COL26A1: variants seen among roughly 807,000 people sequenced by gnomAD.
COL26A1 encodes collagen alpha-1(XXVI) chain.
Under a neutral mutation model 59.3 loss-of-function variants are expected in COL26A1, and 41 were observed. The observed-to-expected ratio is 0.69, with a 90% CI of 0.54 to 0.90. The LOEUF is 0.90. Ranked by LOEUF, COL26A1 falls within the 40% of genes least tolerant of loss-of-function variation. The probability of loss-of-function intolerance (pLI) is 0.00; values close to 1 mark genes in which losing one functional copy is unlikely to be tolerated. For synonymous variants in COL26A1, 266 were observed against 256.0 expected (o/e 1.04, Z -0.37); for missense variants, 612 against 602.3 (o/e 1.02, Z -0.17).
intron 1 of COL26A1, among the ~76,000 whole-genome samples, chr7:101,417,967 C>G (rs572979970): frequency 6.6e-6 from 1 of 151,950 alleles, no homozygotes; most frequent in Non-Finnish European, 1.5e-5. Context: ...TCAGGTGATC[C>G]GCCCACTTTG....
At position 101,551,157 on chromosome 7, in the gene COL26A1, G is replaced by C; in HGVS notation, c.1029+14G>C. The C allele has an allele frequency of 1.9e-6, 3 of 1,555,978 alleles. No individual in the cohort carries two copies. The highest frequency in any genetic ancestry group is 2.6e-6 in the Non-Finnish European group (3 of 1,150,206). ...GTGGGGCCGTCCGTAAGTGTGGGCT[G>C]TGCAGATGGGCCTGGGCCACTCCCA... On this transcript the variant is annotated intron_variant, in intron 10 of 12. Coordinates refer to ENST00000313669, the MANE Select transcript of COL26A1 (RefSeq NM_001278563.3).
At chr7:101,504,925 G>A (rs529415070) in intron 3 of COL26A1, among the ~76,000 whole-genome samples, 1 of 152,248 alleles carries the variant, frequency 6.6e-6, no homozygotes, top group East Asian at 1.9e-4. Context: ...AGGCTGAGGC[G>A]GGCAGATCCC....
intron 3 of COL26A1, among the ~76,000 whole-genome samples, chr7:101,458,931 A>G (rs1165978990): frequency 1.3e-5 from 2 of 151,662 alleles, no homozygotes; most frequent in Admixed American, 6.6e-5. Context: ...CCTCTTGAGT[A>G]GCTGGGACTA....
intron 3 of COL26A1, among the ~76,000 whole-genome samples, chr7:101,479,417 T>C (rs1794112149): frequency 6.6e-6 from 1 of 152,356 alleles, no homozygotes; most frequent in Middle Eastern, 3.4e-3. Flanking sequence ...GGGTTGACAG[T>C]TATATTTCCT....
At chr7:101,507,121 G>T (rs1007471552) in intron 3 of COL26A1, among the ~76,000 whole-genome samples, 1 of 152,084 alleles carries the variant, frequency 6.6e-6, no homozygotes, top group Non-Finnish European at 1.5e-5. Context: ...CACCACGTTG[G>T]CCAGGCTGGT....
chr7:101,476,236 G>A (rs1373472104), intron 3 of COL26A1, among the ~76,000 whole-genome samples: 1 of 151,820 alleles, frequency 6.6e-6, no homozygotes, highest in East Asian at 1.9e-4. Context: ...GACCTCAGGT[G>A]ATCTGCCCAC....
intron 1 of COL26A1, among the ~76,000 whole-genome samples, chr7:101,418,025 G>GTA (rs923450507): frequency 2.0e-5 from 3 of 152,018 alleles, no homozygotes; most frequent in African/African-American, 7.2e-5. Flanking sequence ...ATGCCCAGTC[G>GTA]TATATATATA....
chr7:101,365,489 C>T lies in COL26A1; in HGVS notation c.158+2299C>T, dbSNP rs1584341673. Among the ~76,000 whole-genome samples, 9 of 152,104 alleles carry T rather than the reference C, an allele frequency of 5.9e-5. 2 individuals are homozygous for T. The South Asian group carries it at 1.9e-3, about 32-fold the overall frequency. On this transcript the variant is annotated intron_variant, in intron 1 of 12. Transcript: ENST00000313669. ...TCTCCCAGGCTGGAGTGCAATGGTGCAATCTTGGCTTACTGCAACCTCTGC... is the reference window on the plus strand; with the variant it reads ...TCTCCCAGGCTGGAGTGCAATGGTGTAATCTTGGCTTACTGCAACCTCTGC...
chr7:101,450,435 C>T (rs1010049274), intron 3 of COL26A1, among the ~76,000 whole-genome samples: 3 of 152,182 alleles, frequency 2.0e-5, no homozygotes, highest in African/African-American at 4.8e-5. Context: ...TCCTCATCAA[C>T]GACATTGTTA....
At chr7:101,506,307 A>G (rs931721645) in intron 3 of COL26A1, among the ~76,000 whole-genome samples, 4 of 152,276 alleles carry the variant, frequency 2.6e-5, no homozygotes, top group Non-Finnish European at 5.9e-5. Context: ...GCTGCTCACA[A>G]TAAACCAACG....
In COL26A1 at chr7:101,400,353, ATTTTTTTT is replaced by A. The variant is rs574852983; in HGVS notation, c.159-19605_159-19598del. On this transcript the variant is annotated intron_variant, in intron 1 of 12. Coordinates refer to ENST00000313669, the MANE Select transcript of COL26A1 (RefSeq NM_001278563.3). ...CCACACTGCCTTTCTTTTTTTTCCTATTTTTTTTTTTTTTTTTTTTTTTTTTGAGATGG... is the reference window on the plus strand; with the variant it reads ...CCACACTGCCTTTCTTTTTTTTCCTATTTTTTTTTTTTTTTTTTGAGATGG... 4.7e-4 allele frequency among the ~76,000 whole-genome samples: 46 copies of A among 97,242 alleles called. 1 individual carries two copies. Among genetic ancestry groups the A allele is most frequent in the African/African-American group, 1.3e-3 (29 of 22,410 alleles). The allele number at this position is 97,242 out of a possible 152,430, so 63.8% of individuals were successfully genotyped here.
chr7:101,541,449 A>T (rs1318108100), intron 5 of COL26A1, among the ~76,000 whole-genome samples: 1 of 150,928 alleles, frequency 6.6e-6, no homozygotes, highest in Non-Finnish European at 1.5e-5. Context: ...GGCTCAGGTG[A>T]TCCTCCTGCC....
chr7:101,463,732 TC>T (rs1185668829), intron 3 of COL26A1, among the ~76,000 whole-genome samples: 2 of 102,930 alleles, frequency 1.9e-5, no homozygotes, highest in African/African-American at 3.8e-5. Flanking sequence ...CCTCCCTCTC[TC>T]CCCCCTCCCT....
chr7:101,485,881 T>A (rs1233775724), intron 3 of COL26A1, among the ~76,000 whole-genome samples: 1 of 152,052 alleles, frequency 6.6e-6, no homozygotes, highest in Non-Finnish European at 1.5e-5. Context: ...TGTAAAGTGA[T>A]CTCAGCGGAG....
intron 1 of COL26A1, among the ~76,000 whole-genome samples, chr7:101,400,341 C>CT (rs959845625): frequency 1.8e-5 from 2 of 111,468 alleles, no homozygotes; most frequent in African/African-American, 3.0e-5. Context: ...CACTGCCTTT[C>CT]TTTTTTTTCC....
At position 101,464,177 on chromosome 7, in the gene COL26A1, G is replaced by C. The variant is rs147895135; in HGVS notation, c.385+16390G>C. On this transcript the variant is annotated intron_variant, in intron 3 of 12. Coordinates refer to ENST00000313669, the MANE Select transcript of COL26A1 (RefSeq NM_001278563.3). ...AATGGGATCTTGCCATGTTGCCCAG[G>C]CTGGTATGGAACTCCTGGCCTCAAG... Among the ~76,000 whole-genome samples the C allele has an allele frequency of 6.0e-3, 909 of 152,030 alleles. 9 individuals are homozygous for C. The highest frequency in any genetic ancestry group is 0.02 in the African/African-American group (831 of 41,446).
At chr7:101,538,984 G>C (rs560754771) in intron 4 of COL26A1, among the ~76,000 whole-genome samples, 1 of 152,114 alleles carries the variant, frequency 6.6e-6, no homozygotes, top group Non-Finnish European at 1.5e-5. Flanking sequence ...GGCACACAGC[G>C]CCCCCTGCTG....
intron 1 of COL26A1, among the ~76,000 whole-genome samples, chr7:101,403,135 C>T (rs116142276): frequency 1.2e-3 from 188 of 152,190 alleles, no homozygotes; most frequent in African/African-American, 4.4e-3. Context: ...TGAGCCACTG[C>T]GTGTGGCCGG....
At chr7:101,457,928 AC>A (rs1793516775) in intron 3 of COL26A1, among the ~76,000 whole-genome samples, 1 of 131,890 alleles carries the variant, frequency 7.6e-6, no homozygotes, top group African/African-American at 2.9e-5. Context: ...ATGGAGTCTC[AC>A]CCTGTTGCCC....
Sources: allele counts gnomAD v4.1 joint callset (sites outside exome capture counted in the v4.1 genomes callset), GRCh38; gene constraint gnomAD v4.1.1; transcripts MANE v1.5; gene names NCBI Gene and HGNC (gene_info 2026-07-23, HGNC 2026-07-21).